TIAM1: variants seen among roughly 807,000 people sequenced by gnomAD.
The protein encoded by TIAM1 is TIAM Rac1 associated GEF 1.
A neutral mutation model predicts 163.5 loss-of-function variants in TIAM1; 65 were observed. The observed-to-expected ratio is 0.40, with a 90% CI of 0.33 to 0.49. The LOEUF (loss-of-function observed/expected upper bound fraction) is 0.49. Ranked by LOEUF, TIAM1 falls within the 20% of genes least tolerant of loss-of-function variation. The pLI, the probability that TIAM1 is intolerant of heterozygous loss-of-function variation, is 0.77. For synonymous variants in TIAM1, 833 were observed against 810.1 expected, an observed-to-expected ratio of 1.03 and a Z score of -0.48; for missense variants, 1,789 against 2,044.7, an observed-to-expected ratio of 0.87 and a Z score of 2.41.
chr21:31,424,457 C>G (rs189076150), intron 2 of TIAM1, among the ~76,000 whole-genome samples: 1 of 152,010 alleles, frequency 6.6e-6, no homozygotes, highest in Non-Finnish European at 1.5e-5. Flanking sequence ...TATTATTCAG[C>G]CTTAAAAGGA....
intron 20 of TIAM1, among the ~76,000 whole-genome samples, chr21:31,143,786 G>A (rs9305452): frequency 0.4 from 60,023 of 150,892 alleles, 12,220 homozygotes; most frequent in East Asian, 0.59. Context: ...AGAGTGCGAT[G>A]GCACACTGTG....
chr21:31,383,794 A>T (rs888590816), intron 2 of TIAM1, among the ~76,000 whole-genome samples: 1 of 152,222 alleles, frequency 6.6e-6, no homozygotes, highest in Non-Finnish European at 1.5e-5. Context: ...AGCTCATTAC[A>T]GTATGTGGGG....
intron 2 of TIAM1, among the ~76,000 whole-genome samples, chr21:31,378,553 T>A (rs1427930632): frequency 6.6e-6 from 1 of 152,200 alleles, no homozygotes; most frequent in African/African-American, 2.4e-5. Context: ...TCCGCAAGGA[T>A]CCCTGCTCTC....
At chr21:31,290,254 G>A (rs1325526272) in intron 2 of TIAM1, among the ~76,000 whole-genome samples, 1 of 151,866 alleles carries the variant, frequency 6.6e-6, no homozygotes, top group Admixed American at 6.6e-5. Context: ...TGATATTGAA[G>A]GCCAGTGCTC....
intron 20 of TIAM1, among the ~76,000 whole-genome samples, chr21:31,144,304 G>T (rs2082999176): frequency 6.6e-6 from 1 of 152,172 alleles, no homozygotes; most frequent in South Asian, 2.1e-4. Flanking sequence ...ACATCTAGAA[G>T]GACCTAGGAA....
In TIAM1 at chr21:31,175,606, CT is replaced by C. The variant is rs141269267; in HGVS notation, c.2887+6814del. On this transcript the variant is annotated intron_variant, in intron 15 of 27. Transcript: ENST00000541036. ...TTCTCTCAATAAATGCTTTATAAAA[CT>C]TTTTTTTTTGAGACGGAGTCTCCCT... Among the ~76,000 whole-genome samples the C allele has an allele frequency of 4.7e-5, 7 of 150,396 alleles. No homozygotes were observed. In the South Asian group the frequency reaches 6.3e-4, roughly 14 times the overall value.
intron 3 of TIAM1, among the ~76,000 whole-genome samples, chr21:31,270,887 T>C (rs549880201): frequency 6.6e-6 from 1 of 152,308 alleles, no homozygotes; most frequent in Non-Finnish European, 1.5e-5. Flanking sequence ...TGCCTGTCCC[T>C]CTGCCTAGAA....
rs2071831109 is a variant in TIAM1 at position 31,251,928 on chromosome 21, T to A, written c.1225A>T (p.Ser409Cys). 5.0e-6 allele frequency: 8 copies of A among 1,613,648 alleles called. No homozygotes were observed. The highest frequency in any genetic ancestry group is 6.8e-6 in the Non-Finnish European group (8 of 1,179,856). The change falls in exon 5 of 28, where the codon AGC becomes TGC. Residue 409 changes from serine to cysteine, a missense_variant. Transcript: ENST00000541036. ...ESLEEAGSAH[S>C]DEQSSGTLSS... The stretch of plus-strand genomic sequence containing the variant: ...AGGGTGCCGCTGCTCTGCTCATCGC[T>A]GTGCGCCGAGCCGGCCTCCTCCAGG...
chr21:31,506,594 T>C (rs1187609000), intron 1 of TIAM1, among the ~76,000 whole-genome samples: 1 of 152,232 alleles, frequency 6.6e-6, no homozygotes, highest in Non-Finnish European at 1.5e-5. Flanking sequence ...GTCTTCAAGA[T>C]TCATCCATGT....
intron 13 of TIAM1, among the ~76,000 whole-genome samples, chr21:31,187,388 C>CCATA (rs1568991921): frequency 6.6e-6 from 1 of 151,982 alleles, no homozygotes; most frequent in Non-Finnish European, 1.5e-5. Flanking sequence ...TTTTTCTTTT[C>CCATA]CATACTCTCC....
intron 12 of TIAM1, among the ~76,000 whole-genome samples, chr21:31,198,268 C>A (rs928049989): frequency 6.6e-6 from 1 of 152,088 alleles, no homozygotes; most frequent in Non-Finnish European, 1.5e-5. Context: ...TTTGAAAGGT[C>A]AGCATAATAC....
chr21:31,133,811 T>C (rs2082510449), intron 23 of TIAM1, among the ~76,000 whole-genome samples: 2 of 152,208 alleles, frequency 1.3e-5, no homozygotes, highest in Admixed American at 1.3e-4. Flanking sequence ...GGCTCATACC[T>C]GTAATCCCAG....
chr21:31,213,536 AG>A, intron 9 of TIAM1, 64 bp from the exon 10 acceptor site: 3 of 1,432,252 alleles, frequency 2.1e-6, no homozygotes, highest in Non-Finnish European at 3.0e-6. Flanking sequence ...AAACGTAGGA[AG>A]GGGGAAGGAA....
chr21:31,156,171 C>T (rs113362136), intron 16 of TIAM1, among the ~76,000 whole-genome samples: 4 of 152,278 alleles, frequency 2.6e-5, no homozygotes, highest in African/African-American at 9.6e-5. Flanking sequence ...AAATCAGAAC[C>T]TAAGAAGGAT....
chr21:31,416,348 G>C (rs2043371457), intron 2 of TIAM1, among the ~76,000 whole-genome samples: 1 of 152,012 alleles, frequency 6.6e-6, no homozygotes, highest in Admixed American at 6.6e-5. Flanking sequence ...AATAGTTTTG[G>C]GAGTACAGGT....
intron 3 of TIAM1, among the ~76,000 whole-genome samples, chr21:31,276,039 G>A (rs1285229621): frequency 1.3e-5 from 2 of 152,108 alleles, no homozygotes; most frequent in African/African-American, 4.8e-5. Flanking sequence ...TAAATTTGAA[G>A]CGAAATCACA....
chr21:31,392,789 G>A (rs554339554), intron 2 of TIAM1, among the ~76,000 whole-genome samples: 9 of 151,806 alleles, frequency 5.9e-5, no homozygotes, highest in Non-Finnish European at 1.2e-4. Context: ...AGTGAGAGTG[G>A]GTTAAGAGAG....
At chr21:31,431,865 A>C (rs531326898) in intron 2 of TIAM1, among the ~76,000 whole-genome samples, 39 of 152,314 alleles carry the variant, frequency 2.6e-4, no homozygotes, top group African/African-American at 5.5e-4. Context: ...ATGCAATCTT[A>C]TGGGACCACC....
At chr21:31,488,902 TAAC>T (rs1421463989) in intron 1 of TIAM1, among the ~76,000 whole-genome samples, 1 of 151,964 alleles carries the variant, frequency 6.6e-6, no homozygotes, top group African/African-American at 2.4e-5. Context: ...TGAAAAATGT[TAAC>T]AGCAGCTATT....
Sources: allele counts gnomAD v4.1 joint callset (sites outside exome capture counted in the v4.1 genomes callset), GRCh38; gene constraint gnomAD v4.1.1; transcripts MANE v1.5; gene names NCBI Gene and HGNC (gene_info 2026-07-23, HGNC 2026-07-21).